Variants in TRHDE observed in about 807,000 individuals in gnomAD.
The protein encoded by TRHDE is thyrotropin-releasing hormone-degrading ectoenzyme.
Under a neutral mutation model 125.7 loss-of-function variants are expected in TRHDE, and 72 were observed. That is an observed-to-expected ratio of 0.57 (90% CI 0.47 to 0.70). The LOEUF is 0.70. Among genes scored for constraint, TRHDE ranks in the 30% least tolerant of loss-of-function variants. The probability of loss-of-function intolerance (pLI) is 0.00; values close to 1 mark genes in which losing one functional copy is unlikely to be tolerated. For missense variants in TRHDE, 1,110 were observed against 1,327.1 expected, an observed-to-expected ratio of 0.84 and a Z score of 2.54; for synonymous variants, 509 against 509.1, an observed-to-expected ratio of 1.00 and a Z score of 0.00.
At chr12:72,441,498 G>A (rs1362800849) in intron 3 of TRHDE, among the ~76,000 whole-genome samples, 1 of 151,774 alleles carries the variant, frequency 6.6e-6, no homozygotes, top group African/African-American at 2.4e-5. Context: ...CTGGACAGGC[G>A]GGAAAGGGAA....
Position 72,164,176 on chromosome 12 carries a change from T to C in TRHDE, n.279+58424T>C, listed in dbSNP as rs377673423. On this transcript the variant is annotated intron_variant and non_coding_transcript_variant, in intron 2 of 4. Transcript: ENST00000548156. ...TCATCGATAAATGCATTGATGAGGG[T>C]AGTTTTTTTGACATGGCTGTTTTCT... Among the ~76,000 whole-genome samples, 5 of 152,100 alleles carry C rather than the reference T, an allele frequency of 3.3e-5. No individual in the cohort carries two copies. In the South Asian group the frequency reaches 1.0e-3, roughly 32 times the overall value.
At chr12:72,130,963 T>C (rs909446932) in intron 2 of TRHDE, among the ~76,000 whole-genome samples, 1 of 152,040 alleles carries the variant, frequency 6.6e-6, no homozygotes, top group Non-Finnish European at 1.5e-5. Context: ...AAAATAAGAA[T>C]TTAGGTCTTT....
intron 18 of TRHDE, among the ~76,000 whole-genome samples, chr12:72,659,652 T>C (rs1414087730): frequency 6.6e-6 from 1 of 152,152 alleles, no homozygotes. Context: ...AATGCTGAAA[T>C]CTTTTTAATA....
intron 2 of TRHDE, among the ~76,000 whole-genome samples, chr12:72,123,228 C>T (rs1875632937): frequency 6.6e-6 from 1 of 151,906 alleles, no homozygotes; most frequent in Admixed American, 6.6e-5. Flanking sequence ...TTTCTTGCAC[C>T]AGAAAGTAAA....
At chr12:72,651,959 G>T (rs1014633214) in intron 15 of TRHDE, among the ~76,000 whole-genome samples, 19 of 151,818 alleles carry the variant, frequency 1.3e-4, no homozygotes, top group African/African-American at 2.9e-4. Flanking sequence ...ACATTCTTGG[G>T]TCTACCAATT....
chr12:72,624,511 A>T (rs1488337703), intron 15 of TRHDE, among the ~76,000 whole-genome samples: 1 of 151,946 alleles, frequency 6.6e-6, no homozygotes, highest in Non-Finnish European at 1.5e-5. Context: ...ATCTTGATAC[A>T]TTGGGGATAT....
intron 2 of TRHDE, among the ~76,000 whole-genome samples, chr12:72,305,990 A>G (rs1043409515): frequency 1.3e-5 from 2 of 152,124 alleles, no homozygotes; most frequent in Non-Finnish European, 2.9e-5. Flanking sequence ...AGACAGCTCC[A>G]TTTTGCCAGG....
intron 3 of TRHDE, chr12:72,431,756 G>T (rs1874493776): frequency 6.6e-6 from 1 of 152,332 alleles, no homozygotes; most frequent in East Asian, 1.9e-4. Context: ...GTTTTACATG[G>T]ATAGCACACA....
intron 3 of TRHDE, among the ~76,000 whole-genome samples, chr12:72,445,743 G>T (rs2135862261): frequency 6.6e-6 from 1 of 152,072 alleles, no homozygotes; most frequent in East Asian, 1.9e-4. Context: ...ATGGCACATG[G>T]ATAGATTTTA....
chr12:72,423,049 C>T (rs1874026704), intron 3 of TRHDE, among the ~76,000 whole-genome samples: 1 of 152,118 alleles, frequency 6.6e-6, no homozygotes, highest in African/African-American at 2.4e-5. Context: ...TGACTCTGGT[C>T]CTATCCTCAT....
intron 6 of TRHDE, among the ~76,000 whole-genome samples, chr12:72,513,464 G>A (rs1878695601): frequency 6.6e-6 from 1 of 152,062 alleles, no homozygotes; most frequent in Non-Finnish European, 1.5e-5. Flanking sequence ...TCTTTCGTGG[G>A]AGGCTAAGGA....
chr12:72,428,454 TA>T (rs1406431803), intron 3 of TRHDE, among the ~76,000 whole-genome samples: 1 of 152,154 alleles, frequency 6.6e-6, no homozygotes, highest in East Asian at 1.9e-4. Context: ...CAATTATGGA[TA>T]AAGTATCAAA....
intron 18 of TRHDE, among the ~76,000 whole-genome samples, chr12:72,662,096 T>G (rs1874941684): frequency 6.6e-6 from 1 of 152,164 alleles, no homozygotes; most frequent in Admixed American, 6.6e-5. Context: ...TGCCTGCCCC[T>G]GAGCCAATCT....
chr12:72,385,124 G>T (rs1872355709), intron 3 of TRHDE, among the ~76,000 whole-genome samples: 2 of 152,160 alleles, frequency 1.3e-5, no homozygotes, highest in East Asian at 3.9e-4. Flanking sequence ...CTGGCCTAAA[G>T]TAATACAGCC....
rs761499065 is a variant in TRHDE at position 72,663,055 on chromosome 12, A to C, written c.3070A>C (p.Lys1024Gln). Residue 1024 changes from lysine to glutamine, a missense_variant, in exon 19 of 19, where the codon AAG becomes CAG. Lys to Gln is a moderately conservative substitution (Grantham distance 53, BLOSUM62 1). This residue lies in a region of TRHDE where 527 missense variants were observed against 651.8 expected (regional missense o/e 0.81). Coordinates refer to ENST00000261180, the MANE Select transcript of TRHDE (RefSeq NM_013381.3). ...ATTTAAAAATTTCTCTTTCCAGCTCAAGAACTTCATGAAAAACTATGATGG... is the reference window on the plus strand; with the variant it reads ...ATTTAAAAATTTCTCTTTCCAGCTCCAGAACTTCATGAAAAACTATGATGG... ...LNTEGELKEL[K>Q]NFMKNYDGVA... 1.9e-6 allele frequency: 3 copies of C among 1,608,730 alleles called. No homozygotes were observed. Among genetic ancestry groups the C allele is most frequent in the Non-Finnish European group, 2.5e-6 (3 of 1,177,844 alleles).
intron 9 of TRHDE, 72 bp downstream of exon 9, chr12:72,563,112 C>A: frequency 8.9e-7 from 1 of 1,118,088 alleles, no homozygotes; most frequent in Non-Finnish European, 1.3e-6. Context: ...TTTCAAAGAG[C>A]ATTAATAACA....
intron 2 of TRHDE, among the ~76,000 whole-genome samples, chr12:72,190,726 C>A (rs1398364614): frequency 6.6e-6 from 1 of 152,170 alleles, no homozygotes; most frequent in African/African-American, 2.4e-5. Context: ...TTATATCTTT[C>A]CTGGCCACAC....
At chr12:72,294,842 CA>C (rs1880226304) in intron 2 of TRHDE, among the ~76,000 whole-genome samples, 1 of 151,910 alleles carries the variant, frequency 6.6e-6, no homozygotes, top group Non-Finnish European at 1.5e-5. Context: ...CATTGGTGCC[CA>C]AAATTTGTGG....
At chr12:72,114,014 C>T (rs908821991) in intron 2 of TRHDE, among the ~76,000 whole-genome samples, 42 of 151,822 alleles carry the variant, frequency 2.8e-4, no homozygotes, top group African/African-American at 1.0e-3. Context: ...CCAGAATCTT[C>T]ATTGGTTCTG....
Sources: allele counts gnomAD v4.1 joint callset (sites outside exome capture counted in the v4.1 genomes callset), GRCh38; gene constraint gnomAD v4.1.1; regional missense constraint gnomAD v4.1.1; transcripts MANE v1.5; gene names NCBI Gene and HGNC (gene_info 2026-07-23, HGNC 2026-07-21).